Variants in FOXN3 observed in about 807,000 individuals in gnomAD.
FOXN3 encodes the protein forkhead box N3, also known as forkhead box protein N3.
In FOXN3, 7 loss-of-function variants were observed where a neutral mutation model predicts 38.4. The ratio of observed to expected loss-of-function variants is 0.18; its 90% CI spans 0.10 to 0.34. The LOEUF is 0.34. FOXN3 is among the 10% of genes least tolerant of loss of function. The pLI is 1.00. For missense variants in FOXN3, 456 were observed against 613.4 expected, an observed-to-expected ratio of 0.74 and a Z score of 2.71; for synonymous variants, 230 against 242.2, an observed-to-expected ratio of 0.95 and a Z score of 0.47.
At chr14:89,483,687 C>T (rs540489879) in intron 1 of FOXN3, among the ~76,000 whole-genome samples, 150 of 152,292 alleles carry the variant, frequency 9.8e-4, no homozygotes, top group Non-Finnish European at 1.9e-3. Flanking sequence ...GGATTACAGG[C>T]GTGAGCCACT....
intron 4 of FOXN3, among the ~76,000 whole-genome samples, chr14:89,269,273 G>C (rs1886073790): frequency 6.6e-6 from 1 of 152,132 alleles, no homozygotes; most frequent in Admixed American, 6.5e-5. Context: ...GTGACCATGA[G>C]GTAGGGAGAA....
At position 89,464,041 on chromosome 14, in the gene FOXN3, C is replaced by T. The variant is rs191468667; in HGVS notation, c.-14-51551G>A. Among the ~76,000 whole-genome samples the T allele has an allele frequency of 5.5e-3, 826 of 151,192 alleles. 8 individuals carry two copies. Among genetic ancestry groups the T allele is most frequent in the African/African-American group, 0.02 (793 of 40,502 alleles). Reference sequence around the variant, plus strand: ...TCAGGTGATCCACATGCCTCGACCCCCCAAAGTGCTGGGATTACAGGCATG... The same window carrying T: ...TCAGGTGATCCACATGCCTCGACCCTCCAAAGTGCTGGGATTACAGGCATG... On this transcript the variant is annotated intron_variant, in intron 1 of 6. Transcript: ENST00000345097.
intron 1 of FOXN3, among the ~76,000 whole-genome samples, chr14:89,446,728 G>A (rs1173050063): frequency 1.3e-5 from 2 of 152,164 alleles, no homozygotes; most frequent in Non-Finnish European, 2.9e-5. Context: ...CACCTACCAG[G>A]TGCCTGGCAC....
chr14:89,494,808 A>C (rs750352887), intron 1 of FOXN3, among the ~76,000 whole-genome samples: 8 of 152,238 alleles, frequency 5.3e-5, no homozygotes, highest in Non-Finnish European at 7.3e-5. Context: ...ATCTGTCCCC[A>C]CTTGGTCTTT....
chr14:89,542,004 C>T (rs968008146), intron 1 of FOXN3, among the ~76,000 whole-genome samples: 2 of 151,788 alleles, frequency 1.3e-5, no homozygotes, highest in Non-Finnish European at 2.9e-5. Flanking sequence ...TTGGATCTCG[C>T]GTAAGAAAGA....
chr14:89,209,588 T>C (rs1888470244), intron 4 of FOXN3, among the ~76,000 whole-genome samples: 1 of 152,244 alleles, frequency 6.6e-6, no homozygotes, highest in Non-Finnish European at 1.5e-5. Context: ...TTTACCAATA[T>C]GCTTTTCTTG....
intron 5 of FOXN3, among the ~76,000 whole-genome samples, chr14:89,178,858 T>TA (rs1003422336): frequency 2.6e-5 from 4 of 151,934 alleles, no homozygotes; most frequent in East Asian, 1.9e-4. Flanking sequence ...TTGAAGGCAC[T>TA]AAAAAAAATG....
At chr14:89,601,887 G>A (rs1298022880) in intron 1 of FOXN3, among the ~76,000 whole-genome samples, 2 of 151,994 alleles carry the variant, frequency 1.3e-5, no homozygotes, top group African/African-American at 4.8e-5. Context: ...ATATTTCCAG[G>A]TAGAGTAAAT....
intron 1 of FOXN3, among the ~76,000 whole-genome samples, chr14:89,523,560 A>G (rs7153454): frequency 0.053 from 8,040 of 152,284 alleles, 488 homozygotes; most frequent in East Asian, 0.26. Flanking sequence ...AAATTCTTAA[A>G]TATTTGAAAA....
intron 3 of FOXN3, among the ~76,000 whole-genome samples, chr14:89,311,273 C>A (rs1450518769): frequency 1.2e-4 from 17 of 147,310 alleles, no homozygotes; most frequent in Non-Finnish European, 1.5e-5. Context: ...GAGTTCGAGA[C>A]CAGCCTGGCC....
chr14:89,306,564 T>C (rs1339628021), intron 3 of FOXN3, among the ~76,000 whole-genome samples: 1 of 152,144 alleles, frequency 6.6e-6, no homozygotes, highest in East Asian at 1.9e-4. Flanking sequence ...AGACGGGGTT[T>C]CACTGTGTTA....
chr14:89,418,939 C>T (rs909395335), upstream of FOXN3, among the ~76,000 whole-genome samples: 4 of 151,284 alleles, frequency 2.6e-5, no homozygotes, highest in African/African-American at 9.7e-5. Context: ...CAACCCCACC[C>T]CCAAGTCCCC....
chr14:89,414,595 C>G (rs2140099510), intron 1 of FOXN3, among the ~76,000 whole-genome samples: 1 of 149,396 alleles, frequency 6.7e-6, no homozygotes, highest in Middle Eastern at 3.5e-3. Context: ...ACTCTGTTGC[C>G]CAGGCTGGAG....
In FOXN3 at chr14:89,487,798, G is replaced by A. The variant is rs116484283; in HGVS notation, c.-14-75308C>T. Among the ~76,000 whole-genome samples the A allele has an allele frequency of 3.5e-3, 528 of 152,274 alleles. 3 individuals carry two copies. The highest frequency in any genetic ancestry group is 0.012 in the African/African-American group (499 of 41,546). On this transcript the variant is annotated intron_variant, in intron 1 of 6. Coordinates refer to the FOXN3 transcript ENST00000345097. ...ACCGTGTTATTTCTTATAACGGCTG[G>A]AGAGTGTCAAGACAAAGGAGACATT...
chr14:89,337,144 T>C lies in FOXN3; in HGVS notation c.680+13528A>G, dbSNP rs557932929. ...ATGCCTCCAGAAAAATCAGGACCTC[T>C]GGCACCACAGATTTGTGAGTTCTGC... On this transcript the variant is annotated intron_variant, in intron 3 of 5. Coordinates refer to ENST00000557258, the MANE Select transcript of FOXN3 (RefSeq NM_005197.4). 2.0e-5 allele frequency among the ~76,000 whole-genome samples: 3 copies of C among 152,292 alleles called. No homozygotes were observed. In the East Asian group the frequency reaches 5.8e-4, roughly 29 times the overall value.
At chr14:89,228,909 G>C (rs533292487) in intron 4 of FOXN3, among the ~76,000 whole-genome samples, 1 of 152,292 alleles carries the variant, frequency 6.6e-6, no homozygotes, top group Non-Finnish European at 1.5e-5. Flanking sequence ...TTATTTCTCT[G>C]ATTCTGTGTT....
chr14:89,458,604 T>C (rs1338719721), intron 1 of FOXN3, among the ~76,000 whole-genome samples: 2 of 152,176 alleles, frequency 1.3e-5, no homozygotes, highest in African/African-American at 4.8e-5. Flanking sequence ...ATTATGCTTG[T>C]GAATAATTTG....
chr14:89,570,689 T>G (rs889242139), intron 1 of FOXN3, among the ~76,000 whole-genome samples: 4 of 108,826 alleles, frequency 3.7e-5, no homozygotes, highest in East Asian at 5.1e-4. Context: ...GCAATTTTGG[T>G]TTTTTTTTTT....
At chr14:89,261,288 A>G (rs895678952) in intron 4 of FOXN3, among the ~76,000 whole-genome samples, 25 of 152,174 alleles carry the variant, frequency 1.6e-4, no homozygotes, top group African/African-American at 5.8e-4. Flanking sequence ...GAGATCTATC[A>G]CTGTGGGTCT....
Sources: gnomAD v4.1 joint callset for allele counts (sites outside exome capture counted in the v4.1 genomes callset) on GRCh38, gnomAD v4.1.1 for gene constraint, MANE v1.5 for transcripts, NCBI Gene and HGNC (gene_info 2026-07-23, HGNC 2026-07-21) for gene names.